FAM180A: variants seen among roughly 807,000 people sequenced by gnomAD.
The protein encoded by FAM180A is family with sequence similarity 180 member A.
A neutral mutation model predicts 15.3 loss-of-function variants in FAM180A; 14 were observed. The observed-to-expected ratio is 0.92, with a 90% confidence interval of 0.61 to 1.43. The LOEUF (loss-of-function observed/expected upper bound fraction) is 1.43. Among genes scored for constraint, FAM180A ranks in the 40% most tolerant of loss-of-function variants. The pLI is 0.00. For missense variants in FAM180A, 200 were observed against 220.8 expected (o/e 0.91, Z 0.60); for synonymous variants, 90 against 96.8 (o/e 0.93, Z 0.41).
At chr7:135,748,393 A>G in intron 1 of FAM180A, 112 bp downstream of exon 1, 1 of 794,426 alleles carries the variant, frequency 1.3e-6, no homozygotes, top group Non-Finnish European at 2.2e-6. Flanking sequence ...ATTGACAGAG[A>G]TTAGACAAAA....
chr7:135,734,295 T>C lies in FAM180A; in HGVS notation c.202A>G (p.Ser68Gly). The C allele has an allele frequency of 6.3e-7, 1 of 1,596,682 alleles. No homozygotes were observed. Among genetic ancestry groups the C allele is most frequent in the Non-Finnish European group, 8.5e-7 (1 of 1,170,274 alleles). Reference protein sequence around the residue: ...YEFLLAELEISPDLQISIKDE... With the variant: ...YEFLLAELEIGPDLQISIKDE... ...TTGATGGAGATCTGCAGGTCAGGGC[T>C]GATCTCAAGTTCGGCCAGCAGGAAC... is the stretch of plus-strand genomic sequence containing the variant. The change falls in exon 3 of 4, where the codon AGC becomes GGC. Residue 68 changes from serine to glycine, a missense_variant. By Grantham distance (56) the Ser-to-Gly change is moderately conservative. Coordinates refer to ENST00000338588, the MANE Select transcript of FAM180A (RefSeq NM_205855.4).
chr7:135,737,517 G>T (rs1187152670), intron 1 of FAM180A, among the ~76,000 whole-genome samples: 1 of 150,998 alleles, frequency 6.6e-6, no homozygotes, highest in Non-Finnish European at 1.5e-5. Flanking sequence ...AACTCAGGAG[G>T]TGGAGGTTGC....
Position 135,734,184 on chromosome 7 carries a change from G to A in FAM180A, c.313C>T (p.Arg105Cys), listed in dbSNP as rs748809208. The change falls in exon 3 of 4, where the codon CGC becomes TGC. Residue 105 changes from arginine (R) to cysteine (C), a missense_variant. Arg to Cys is a radical substitution (Grantham distance 180). Coordinates refer to ENST00000338588, the MANE Select transcript of FAM180A (RefSeq NM_205855.4). ...CTGGAGAGGCTGGCGCTGAGCCGGCGGATGTCTGGGATGCTCTTGGGGATG... is the reference window on the plus strand; with the variant it reads ...CTGGAGAGGCTGGCGCTGAGCCGGCAGATGTCTGGGATGCTCTTGGGGATG... ...NVIPKSIPDI[R>C]RLSASLSSHP... 36 of 1,614,068 alleles carry A rather than the reference G, an allele frequency of 2.2e-5. No homozygotes were observed. The highest frequency in any genetic ancestry group is 3.3e-5 in the Admixed American group (2 of 60,012).
At chr7:135,737,768 G>GAAAAGA (rs573033303) in intron 1 of FAM180A, among the ~76,000 whole-genome samples, 141 of 151,928 alleles carry the variant, frequency 9.3e-4, no homozygotes, top group African/African-American at 3.1e-3. Flanking sequence ...AACGAGAAAA[G>GAAAAGA]AAAAGAAAAA....
Position 135,730,280 on chromosome 7 carries a change from G to A in FAM180A, c.*331C>T, listed in dbSNP as rs3112371. On this transcript the variant is annotated splice_region_variant and 3_prime_UTR_variant, in exon 4 of 4. Coordinates refer to ENST00000338588, the MANE Select transcript of FAM180A (RefSeq NM_205855.4). Reference sequence around the variant, plus strand: ...TCCTGGGCCAGGCACGGTGGCTCACGCCTGTAATCCTAGCATTTTGGGAGG... The same window carrying A: ...TCCTGGGCCAGGCACGGTGGCTCACACCTGTAATCCTAGCATTTTGGGAGG... 0.15 allele frequency: 149,006 copies of A among 984,064 alleles called. 11,690 individuals are homozygous for A. Among genetic ancestry groups the A allele is most frequent in the Admixed American group, 0.31 (4,970 of 16,256 alleles). 61.0% of individuals were successfully genotyped at this position (984,064 alleles called of 1,614,324 possible).
chr7:135,732,996 G>C (rs981376536), intron 3 of FAM180A, among the ~76,000 whole-genome samples: 1 of 152,132 alleles, frequency 6.6e-6, no homozygotes, highest in Non-Finnish European at 1.5e-5. Context: ...GCATTAGCTT[G>C]GTTTTTCTAT....
chr7:135,734,563 G>A (rs868089569), intron 2 of FAM180A, among the ~76,000 whole-genome samples: 19 of 152,322 alleles, frequency 1.2e-4, no homozygotes, highest in Middle Eastern at 3.4e-3. Flanking sequence ...GGGATATTGT[G>A]AGAGGTAAAT....
In FAM180A at chr7:135,729,660, G is replaced by T; in HGVS notation, c.*951C>A. The T allele has an allele frequency of 1.0e-6, 1 of 981,774 alleles. No individual in the cohort carries two copies. The highest frequency in any genetic ancestry group is 1.2e-6 in the Non-Finnish European group (1 of 826,754). 60.8% of individuals were successfully genotyped at this position (981,774 alleles called of 1,614,324 possible). A position where few individuals can be genotyped will look rare whatever the true frequency, so the allele number is the denominator to read the frequency against. ...ATGAATATTTGTTAAATAAAAATAG[G>T]TACAGCAAGTGTACAATAAGACCAG... On this transcript the variant is annotated 3_prime_UTR_variant, in exon 4 of 4. Coordinates refer to ENST00000338588, the MANE Select transcript of FAM180A (RefSeq NM_205855.4).
Position 135,734,327 on chromosome 7 carries a change from G to A in FAM180A, c.178-8C>T. 1 of 1,576,410 alleles carries A rather than the reference G, an allele frequency of 6.3e-7. No homozygotes were observed. On this transcript the variant is annotated splice_region_variant and splice_polypyrimidine_tract_variant and intron_variant, in intron 2 of 3. Transcript: ENST00000338588. ...AAGTTCGGCCAGCAGGAACTGGTGA[G>A]AAATGTGGATGTGCAAAAATATGAA...
chr7:135,746,144 G>A (rs1468339010), intron 1 of FAM180A, among the ~76,000 whole-genome samples: 2 of 152,208 alleles, frequency 1.3e-5, no homozygotes, highest in Non-Finnish European at 2.9e-5. Context: ...TAGTGACCTC[G>A]GTTTGGCTGG....
intron 1 of FAM180A, among the ~76,000 whole-genome samples, chr7:135,747,278 C>T (rs1263963090): frequency 1.3e-5 from 2 of 151,440 alleles, no homozygotes; most frequent in Non-Finnish European, 2.9e-5. Context: ...ACTATGTGCC[C>T]ACAGAAATTA....
intron 3 of FAM180A, among the ~76,000 whole-genome samples, chr7:135,732,531 A>T (rs748861897): frequency 6.6e-6 from 1 of 152,194 alleles, no homozygotes. Context: ...TGTCTCTACT[A>T]AAAATACAAA....
rs1796754045 is a variant in FAM180A, at chr7:135,729,750, T to C, written c.*861A>G. The C allele has an allele frequency of 1.0e-6, 1 of 985,146 alleles. No homozygotes were observed. Among genetic ancestry groups the C allele is most frequent in the Non-Finnish European group, 1.2e-6 (1 of 829,904 alleles). The allele number at this position is 985,146 out of a possible 1,614,324, so 61.0% of individuals were successfully genotyped here. A position where few individuals can be genotyped will look rare whatever the true frequency, so the allele number is the denominator to read the frequency against. On this transcript the variant is annotated 3_prime_UTR_variant, in exon 4 of 4. Coordinates refer to ENST00000338588, the MANE Select transcript of FAM180A (RefSeq NM_205855.4). Reference sequence around the variant, plus strand: ...GAAACACTTTTCCAGAATACAATGCTCAAGAAATGTAAGCCAGATCCCGCT... The same window carrying C: ...GAAACACTTTTCCAGAATACAATGCCCAAGAAATGTAAGCCAGATCCCGCT...
chr7:135,738,636 T>C (rs919597820), intron 1 of FAM180A, among the ~76,000 whole-genome samples: 12 of 152,200 alleles, frequency 7.9e-5, no homozygotes, highest in Admixed American at 7.2e-4. Flanking sequence ...AGGCACTAAC[T>C]GGGGACAAGT....
rs549286399 is a variant in FAM180A, at chr7:135,740,329, G to A, written c.77-3130C>T. The stretch of plus-strand genomic sequence containing the variant: ...TTCCTAAGTGCTTCTAATGACAGCC[G>A]AGGTTGAGAACCACTGTCCTAGTCA... On this transcript the variant is annotated intron_variant, in intron 1 of 3. Coordinates refer to ENST00000338588, the MANE Select transcript of FAM180A (RefSeq NM_205855.4). Among the ~76,000 whole-genome samples, 173 of 152,268 alleles carry A rather than the reference G, an allele frequency of 1.1e-3. No individual in the cohort carries two copies. In the Middle Eastern group the frequency reaches 0.017, roughly 15 times the overall value.
chr7:135,729,849 C>A lies in FAM180A; in HGVS notation c.*762G>T, dbSNP rs887131334. ...TAATGGTGCCAAGAGCTGGGGCAGG[C>A]AGGGGGAAGGGGAAAAGAGGAGTTG... is the stretch of plus-strand genomic sequence containing the variant. On this transcript the variant is annotated 3_prime_UTR_variant, in exon 4 of 4. Coordinates refer to ENST00000338588, the MANE Select transcript of FAM180A (RefSeq NM_205855.4). 1 of 809,298 alleles carries A rather than the reference C, an allele frequency of 1.2e-6. No individual in the cohort carries two copies. The highest frequency in any genetic ancestry group is 1.9e-5 in the African/African-American group (1 of 53,530). The allele number at this position is 809,298 out of a possible 1,614,324, so 50.1% of individuals were successfully genotyped here.
At position 135,730,142 on chromosome 7, in the gene FAM180A, G is replaced by C; in HGVS notation, c.*469C>G. Reference sequence around the variant, plus strand: ...CTTTGATTTGTTAGATTCAAGGTGAGGTGACAGAGCAATGAAGTCTGCAGC... The same window carrying C: ...CTTTGATTTGTTAGATTCAAGGTGACGTGACAGAGCAATGAAGTCTGCAGC... On this transcript the variant is annotated 3_prime_UTR_variant, in exon 4 of 4. Transcript: ENST00000338588. 1.0e-6 allele frequency: 1 copy of C among 985,428 alleles called. No individual in the cohort carries two copies. Among genetic ancestry groups the C allele is most frequent in the Non-Finnish European group, 1.2e-6 (1 of 829,926 alleles). The allele number at this position is 985,428 out of a possible 1,614,324, so 61.0% of individuals were successfully genotyped here.
intron 1 of FAM180A, among the ~76,000 whole-genome samples, chr7:135,740,952 A>G (rs1429874649): frequency 2.5e-5 from 1 of 39,802 alleles, no homozygotes. Context: ...ATTCCCTTAA[A>G]AAAAAACAAA....
At chr7:135,730,330 T>G (rs1584748625) in intron 3 of FAM180A, 49 bp from the exon 4 acceptor site, 1 of 788,180 alleles carries the variant, frequency 1.3e-6, no homozygotes, top group Non-Finnish European at 1.5e-6. Context: ...CCACTTGAGG[T>G]CAGGAGTTTG....
Sources: gnomAD v4.1 joint callset for allele counts (sites outside exome capture counted in the v4.1 genomes callset) on GRCh38, gnomAD v4.1.1 for gene constraint, MANE v1.5 for transcripts, NCBI Gene and HGNC (gene_info 2026-07-23, HGNC 2026-07-21) for gene names.